AKAP6: variants seen among roughly 807,000 people sequenced by gnomAD.
AKAP6 encodes A-kinase anchor protein 6.
AKAP6 carries 58 observed loss-of-function variants against 188.5 expected under a neutral mutation model. The observed-to-expected ratio is 0.31, with a 90% CI of 0.25 to 0.38. The LOEUF (loss-of-function observed/expected upper bound fraction) is 0.38. AKAP6 is among the 10% of genes least tolerant of loss of function. The pLI is 1.00. For missense variants in AKAP6, 2,710 were observed against 2,740.0 expected, an observed-to-expected ratio of 0.99 and a Z score of 0.24; for synonymous variants, 989 against 998.6, an observed-to-expected ratio of 0.99 and a Z score of 0.18.
chr14:32,362,836 G>A (rs1314594875), intron 1 of AKAP6, among the ~76,000 whole-genome samples: 2 of 152,166 alleles, frequency 1.3e-5, no homozygotes, highest in African/African-American at 4.8e-5. Context: ...ATCAGTCAGT[G>A]TGGGGAGGGC....
intron 7 of AKAP6, among the ~76,000 whole-genome samples, chr14:32,606,624 T>C (rs535659499): frequency 4.6e-5 from 7 of 152,296 alleles, no homozygotes; most frequent in African/African-American, 1.7e-4. Flanking sequence ...ACTTTACAGC[T>C]ACTACGAGGA....
In AKAP6 at chr14:32,586,609, C is replaced by T. The variant is rs137911306; in HGVS notation, c.2469+9367C>T. Among the ~76,000 whole-genome samples, 1,245 of 152,184 alleles carry T rather than the reference C, an allele frequency of 8.2e-3. 3 individuals carry two copies. The highest frequency in any genetic ancestry group is 0.011 in the Non-Finnish European group (781 of 67,996). On this transcript the variant is annotated intron_variant, in intron 5 of 13. Transcript: ENST00000280979. ...TTGCGTCACTGCACTCCAGCCTGGG[C>T]GACTGAGGGAGACTGTCTCAAAAAA...
At chr14:32,419,329 CT>C (rs1387665065) in intron 1 of AKAP6, among the ~76,000 whole-genome samples, 1 of 152,064 alleles carries the variant, frequency 6.6e-6, no homozygotes, top group African/African-American at 2.4e-5. Flanking sequence ...TTTTACATGT[CT>C]GGGAGTCTAT....
At chr14:32,629,796 C>T (rs931787723) in intron 7 of AKAP6, among the ~76,000 whole-genome samples, 12 of 150,616 alleles carry the variant, frequency 8.0e-5, no homozygotes, top group Admixed American at 4.0e-4. Context: ...ATACTCTGGC[C>T]GGGCACAGTG....
intron 11 of AKAP6, among the ~76,000 whole-genome samples, chr14:32,760,104 A>T (rs1227169922): frequency 6.6e-6 from 1 of 152,198 alleles, no homozygotes; most frequent in Admixed American, 6.5e-5. Flanking sequence ...CATGAACGGA[A>T]TCTGAGACCA....
At chr14:32,513,923 GT>G (rs1447047650) in intron 2 of AKAP6, among the ~76,000 whole-genome samples, 5 of 151,920 alleles carry the variant, frequency 3.3e-5, no homozygotes, top group African/African-American at 1.2e-4. Context: ...ATTTTACAAT[GT>G]TTTTAGCATC....
intron 6 of AKAP6, among the ~76,000 whole-genome samples, chr14:32,600,157 A>T (rs978855768): frequency 6.6e-6 from 1 of 152,244 alleles, no homozygotes; most frequent in Admixed American, 6.5e-5. Flanking sequence ...TAGGAAAAAG[A>T]CAGTATTAAT....
At chr14:32,702,269 T>C (rs1304999303) in intron 9 of AKAP6, among the ~76,000 whole-genome samples, 3 of 152,222 alleles carry the variant, frequency 2.0e-5, no homozygotes, top group African/African-American at 7.2e-5. Context: ...AGATCTAGAC[T>C]GTCTCCACTG....
chr14:32,593,034 A>T (rs1885553980), intron 5 of AKAP6, among the ~76,000 whole-genome samples: 1 of 151,220 alleles, frequency 6.6e-6, no homozygotes, highest in South Asian at 2.1e-4. Flanking sequence ...ACACACACAC[A>T]CACACACACA....
intron 12 of AKAP6, among the ~76,000 whole-genome samples, chr14:32,821,148 A>G (rs1265724878): frequency 6.6e-6 from 1 of 152,244 alleles, no homozygotes; most frequent in Non-Finnish European, 1.5e-5. Flanking sequence ...ATAAATTACA[A>G]TTTGACAATA....
intron 2 of AKAP6, among the ~76,000 whole-genome samples, chr14:32,477,126 C>T (rs1594655553): frequency 6.6e-6 from 1 of 152,188 alleles, no homozygotes; most frequent in African/African-American, 2.4e-5. Context: ...AGTCAGAGTT[C>T]AGTCCTCAGT....
In AKAP6 at chr14:32,772,046, ATG is replaced by A. The variant is rs145486851; in HGVS notation, c.3373-1618_3373-1617del. Among the ~76,000 whole-genome samples, 187 of 151,228 alleles carry A rather than the reference ATG, an allele frequency of 1.2e-3. 1 individual carries two copies. The highest frequency in any genetic ancestry group is 4.4e-3 in the African/African-American group (182 of 41,312). On this transcript the variant is annotated intron_variant, in intron 11 of 13. Transcript: ENST00000280979. ...GAGATAAATTGAAGGGTGTGTGTGG[ATG>A]TGTGTGTGTGTGTTTGTGCGTTTGA... is the stretch of plus-strand genomic sequence containing the variant.
intron 1 of AKAP6, among the ~76,000 whole-genome samples, chr14:32,417,575 C>A (rs1206302262): frequency 6.6e-6 from 1 of 152,070 alleles, no homozygotes; most frequent in Non-Finnish European, 1.5e-5. Context: ...TGCTTGTTAG[C>A]CAGAGCTCAG....
chr14:32,718,164 TG>T, intron 9 of AKAP6: 1 of 396,824 alleles, frequency 2.5e-6, no homozygotes, highest in African/African-American at 2.2e-5. Context: ...TTACTGACCT[TG>T]GGCAAGTCAC....
chr14:32,682,671 G>A (rs1239897569), intron 8 of AKAP6, among the ~76,000 whole-genome samples: 1 of 152,154 alleles, frequency 6.6e-6, no homozygotes, highest in Non-Finnish European at 1.5e-5. Context: ...GTTCTTAACC[G>A]AGATAGTGCA....
In AKAP6 at chr14:32,830,711, A is replaced by T. The variant is rs1468532586; in HGVS notation, c.*906A>T. 6.6e-6 allele frequency: 1 copy of T among 152,634 alleles called. No homozygotes were observed. The highest frequency in any genetic ancestry group is 2.4e-5 in the African/African-American group (1 of 41,444). The allele number at this position is 152,634 out of a possible 1,614,324, so 9.5% of individuals were successfully genotyped here. A position where few individuals can be genotyped will look rare whatever the true frequency, so the allele number is the denominator to read the frequency against. ...TATAATGACAGTATAAAATGCTTTCATGTTTGTGATGTCTAGTGATGTGGA... is the reference window on the plus strand; with the variant it reads ...TATAATGACAGTATAAAATGCTTTCTTGTTTGTGATGTCTAGTGATGTGGA... On this transcript the variant is annotated 3_prime_UTR_variant, in exon 14 of 14. Coordinates refer to ENST00000280979, the MANE Select transcript of AKAP6 (RefSeq NM_004274.5).
chr14:32,582,224 T>C (rs1284631603), intron 5 of AKAP6, among the ~76,000 whole-genome samples: 1 of 152,214 alleles, frequency 6.6e-6, no homozygotes, highest in Non-Finnish European at 1.5e-5. Context: ...TGCTTGTCTG[T>C]AAAGTATTTT....
At chr14:32,407,648 CCTT>C (rs1240341741) in intron 1 of AKAP6, among the ~76,000 whole-genome samples, 1 of 152,200 alleles carries the variant, frequency 6.6e-6, no homozygotes, top group Non-Finnish European at 1.5e-5. Context: ...ATCTATCTCT[CCTT>C]CTCATTTCAG....
chr14:32,768,010 T>A (rs1477027508), intron 11 of AKAP6, among the ~76,000 whole-genome samples: 1 of 152,174 alleles, frequency 6.6e-6, no homozygotes, highest in Non-Finnish European at 1.5e-5. Context: ...ACAGGTACAT[T>A]TTATTACATG....
Sources: allele counts gnomAD v4.1 joint callset (sites outside exome capture counted in the v4.1 genomes callset), GRCh38; gene constraint gnomAD v4.1.1; transcripts MANE v1.5; gene names NCBI Gene and HGNC (gene_info 2026-07-23, HGNC 2026-07-21).